Variants in SENP5 observed in about 807,000 individuals in gnomAD.
SENP5 encodes the protein SUMO specific peptidase 5, also known as sentrin-specific protease 5.
In SENP5, 21 loss-of-function variants were observed where a neutral mutation model predicts 74.2. The observed-to-expected ratio is 0.28, with a 90% CI of 0.20 to 0.41. SENP5 has a LOEUF of 0.41. SENP5 is among the 10% of genes least tolerant of loss of function. The pLI, the probability that SENP5 is intolerant of heterozygous loss-of-function variation, is 1.00. For missense variants in SENP5, 717 were observed against 889.1 expected (o/e 0.81, Z 2.46); for synonymous variants, 311 against 312.7 (o/e 0.99, Z 0.06).
intron 6 of SENP5, among the ~76,000 whole-genome samples, chr3:196,915,338 A>T (rs1715326404): frequency 6.6e-6 from 1 of 152,176 alleles, no homozygotes; most frequent in Non-Finnish European, 1.5e-5. Context: ...GAGAGGAAAG[A>T]GTACAGAATA....
intron 1 of SENP5, among the ~76,000 whole-genome samples, chr3:196,882,320 C>T (rs139200135): frequency 5.9e-5 from 9 of 152,206 alleles, no homozygotes; most frequent in African/African-American, 2.2e-4. Context: ...CCATCACCAC[C>T]ATTCATCTCC....
intron 1 of SENP5, among the ~76,000 whole-genome samples, chr3:196,879,628 G>A (rs909263701): frequency 6.6e-6 from 1 of 151,948 alleles, no homozygotes; most frequent in Non-Finnish European, 1.5e-5. Context: ...TCTTGTTTTT[G>A]GATCTCATTT....
At position 196,903,659 on chromosome 3, in the gene SENP5, A is replaced by C. The variant is rs766648514; in HGVS notation, c.1884+49A>C. 7.6e-6 allele frequency: 9 copies of C among 1,184,002 alleles called. No individual in the cohort carries two copies. The East Asian group carries it at 2.1e-4, about 28-fold the overall frequency. The allele number at this position is 1,184,002 out of a possible 1,614,324, so 73.3% of individuals were successfully genotyped here. Reference sequence around the variant, plus strand: ...TTCCAAATTTGAAACGCAGATGATAAACCACTTTGTGTGGAAGGATAAGTA... The same window carrying C: ...TTCCAAATTTGAAACGCAGATGATACACCACTTTGTGTGGAAGGATAAGTA... On this transcript the variant is annotated intron_variant, in intron 6 of 9. Transcript: ENST00000323460.
At chr3:196,905,612 G>T (rs555891913) in intron 6 of SENP5, among the ~76,000 whole-genome samples, 1 of 152,306 alleles carries the variant, frequency 6.6e-6, no homozygotes, top group South Asian at 2.1e-4. Flanking sequence ...AAAGGATTCA[G>T]ATGAAGAGAT....
chr3:196,868,309 T>G (rs1009943591), intron 1 of SENP5, among the ~76,000 whole-genome samples: 15 of 152,226 alleles, frequency 9.9e-5, no homozygotes, highest in Non-Finnish European at 1.5e-5. Context: ...AGCCGGGCTG[T>G]GCGTCGCAGG....
intron 6 of SENP5, among the ~76,000 whole-genome samples, chr3:196,920,001 CTG>C (rs1254020007): frequency 6.6e-6 from 1 of 152,158 alleles, no homozygotes; most frequent in East Asian, 1.9e-4. Context: ...CTCAAAATCA[CTG>C]TGAGTCTGGC....
At chr3:196,886,772 A>G (rs150221742) in intron 2 of SENP5, 78 bp downstream of exon 2, 2 of 1,205,010 alleles carry the variant, frequency 1.7e-6, no homozygotes, top group East Asian at 2.5e-5. Flanking sequence ...TAAGAGTCCT[A>G]TTTTTTTCTC....
At chr3:196,923,681 T>C in intron 7 of SENP5, 130 bp downstream of exon 7, 1 of 598,584 alleles carries the variant, frequency 1.7e-6, no homozygotes. Context: ...TCCAAAGTGT[T>C]AGCTGAGAAA....
At chr3:196,903,697 T>A in intron 6 of SENP5, 87 bp downstream of exon 6, 1 of 698,772 alleles carries the variant, frequency 1.4e-6, no homozygotes. Context: ...TTAATGCCAA[T>A]ACGATGTTAA....
At chr3:196,886,723 A>C (rs201757279) in intron 2 of SENP5, 29 bp downstream of exon 2, 2 of 1,486,654 alleles carry the variant, frequency 1.3e-6, no homozygotes, top group South Asian at 2.7e-5. Context: ...TTCTCCCTCA[A>C]ACTCCAAGCT....
At chr3:196,923,864 A>G (rs1715716062) in intron 7 of SENP5, among the ~76,000 whole-genome samples, 2 of 152,244 alleles carry the variant, frequency 1.3e-5, no homozygotes, top group South Asian at 4.1e-4. Context: ...TGTATCTGCA[A>G]AATAACTCCT....
chr3:196,899,340 G>A (rs1053316259), intron 2 of SENP5, among the ~76,000 whole-genome samples: 1 of 152,074 alleles, frequency 6.6e-6, no homozygotes, highest in Non-Finnish European at 1.5e-5. Context: ...TAGAAGTCAC[G>A]CTTTAAGAGA....
At chr3:196,914,991 G>A (rs1715313474) in intron 6 of SENP5, among the ~76,000 whole-genome samples, 1 of 152,164 alleles carries the variant, frequency 6.6e-6, no homozygotes, top group Non-Finnish European at 1.5e-5. Context: ...TATCACAATG[G>A]AATACAACAC....
At position 196,932,292 on chromosome 3, in the gene SENP5, CAA is replaced by C. The variant is rs1174822653; in HGVS notation, c.*1371_*1372del. Reference sequence around the variant, plus strand: ...AAACTCAGAAGTCTGAATAGAAAAACAAAGTAAATGGCAGAAGATTCTCGAGT... The same window carrying C: ...AAACTCAGAAGTCTGAATAGAAAAACAGTAAATGGCAGAAGATTCTCGAGT... On this transcript the variant is annotated 3_prime_UTR_variant, in exon 10 of 10. Transcript: ENST00000323460. The C allele has an allele frequency of 7.8e-5, 12 of 153,738 alleles. No individual in the cohort carries two copies. The highest frequency in any genetic ancestry group is 1.9e-4 in the African/African-American group (8 of 41,438). The allele number at this position is 153,738 out of a possible 1,614,324, so 9.5% of individuals were successfully genotyped here.
At chr3:196,868,236 CTCCCTT>C (rs1354834085) in intron 1 of SENP5, among the ~76,000 whole-genome samples, 163 bp downstream of exon 1, 1 of 152,248 alleles carries the variant, frequency 6.6e-6, no homozygotes, top group Non-Finnish European at 1.5e-5. Context: ...CGGCCACAGC[CTCCCTT>C]TCCGGGGGAG....
chr3:196,929,209 T>C (rs73080424), intron 8 of SENP5: 33,873 of 157,504 alleles, frequency 0.22, 3,766 homozygotes, highest in African/African-American at 0.27. Flanking sequence ...TTTCAAAGAA[T>C]AGGACAGGGT....
intron 8 of SENP5, among the ~76,000 whole-genome samples, chr3:196,928,773 C>G (rs1247460795): frequency 1.3e-5 from 2 of 152,128 alleles, no homozygotes; most frequent in East Asian, 3.9e-4. Flanking sequence ...CCTAGTATAC[C>G]AGTTCAAACC....
intron 1 of SENP5, among the ~76,000 whole-genome samples, chr3:196,879,052 G>A (rs1054910881): frequency 1.3e-5 from 2 of 152,008 alleles, no homozygotes; most frequent in Admixed American, 6.6e-5. Flanking sequence ...CCCACTATAG[G>A]GATGCTATAA....
intron 6 of SENP5, chr3:196,914,410 G>A (rs1715265082): frequency 6.6e-6 from 1 of 151,030 alleles, no homozygotes; most frequent in Non-Finnish European, 1.5e-5. Context: ...TCTAAAGTAG[G>A]TAGGGGTAAA....
Sources: gnomAD v4.1 joint callset for allele counts (sites outside exome capture counted in the v4.1 genomes callset) on GRCh38, gnomAD v4.1.1 for gene constraint, MANE v1.5 for transcripts, NCBI Gene and HGNC (gene_info 2026-07-23, HGNC 2026-07-21) for gene names.